The following ADCY2 variants were observed in gnomAD, a reference collection of about 807,000 sequenced individuals.
ADCY2 encodes adenylate cyclase type 2.
ADCY2 carries 31 observed loss-of-function variants against 125.2 expected under a neutral mutation model. The ratio of observed to expected loss-of-function variants is 0.25; its 90% CI spans 0.19 to 0.33. ADCY2 has a LOEUF of 0.33. Among genes scored for constraint, ADCY2 ranks in the 10% least tolerant of loss-of-function variants. The pLI is 1.00. For missense variants in ADCY2, 904 were observed against 1,418.2 expected, an observed-to-expected ratio of 0.64 and a Z score of 5.82; for synonymous variants, 512 against 548.4, an observed-to-expected ratio of 0.93 and a Z score of 0.93.
At chr5:7,419,248 C>A (rs1477221752) in intron 2 of ADCY2, among the ~76,000 whole-genome samples, 1 of 152,090 alleles carries the variant, frequency 6.6e-6, no homozygotes. Flanking sequence ...AGAGATTGGA[C>A]AATTTTCTAG....
At chr5:7,478,117 G>A (rs927606503) in intron 2 of ADCY2, among the ~76,000 whole-genome samples, 1 of 152,126 alleles carries the variant, frequency 6.6e-6, no homozygotes, top group Non-Finnish European at 1.5e-5. Context: ...TATCAATATC[G>A]CAGACTCAGG....
chr5:7,434,488 G>A (rs181622392), intron 2 of ADCY2, among the ~76,000 whole-genome samples: 4 of 152,348 alleles, frequency 2.6e-5, no homozygotes, highest in Admixed American at 2.6e-4. Context: ...CAGCTTTGAA[G>A]AAGATGGGAT....
intron 12 of ADCY2, among the ~76,000 whole-genome samples, chr5:7,721,770 C>G (rs1451748077): frequency 6.6e-6 from 1 of 152,072 alleles, no homozygotes; most frequent in African/African-American, 2.4e-5. Context: ...TGTTTTGGAC[C>G]AGTACCATGC....
intron 4 of ADCY2, among the ~76,000 whole-genome samples, chr5:7,653,436 T>A (rs957432615): frequency 6.6e-6 from 1 of 152,108 alleles, no homozygotes; most frequent in Non-Finnish European, 1.5e-5. Context: ...AAACCCCATC[T>A]CTACTAAAAA....
At chr5:7,784,332 T>A (rs759930343) in intron 18 of ADCY2, 33 bp from the exon 19 acceptor site, 2 of 1,503,988 alleles carry the variant, frequency 1.3e-6, no homozygotes, top group Non-Finnish European at 1.9e-6. Flanking sequence ...TTTTGTTGCA[T>A]TGTTGTCTGT....
chr5:7,722,982 A>AAAAAAAAAAAAAG (rs1278747504), intron 12 of ADCY2, among the ~76,000 whole-genome samples: 1 of 148,668 alleles, frequency 6.7e-6, no homozygotes, highest in Admixed American at 6.7e-5. Flanking sequence ...AAAAAAAAAA[A>AAAAAAAAAAAAAG]AAAAGCATGT....
intron 22 of ADCY2, among the ~76,000 whole-genome samples, chr5:7,815,015 TC>T (rs952541191): frequency 8.5e-5 from 13 of 152,156 alleles, no homozygotes; most frequent in Admixed American, 7.2e-4. Context: ...CACTCTCCTT[TC>T]TTCCCTTGGA....
rs2126529513 is a variant in ADCY2 at position 7,809,413 on chromosome 5, T to G, written c.2883+4721T>G. 1.3e-5 allele frequency among the ~76,000 whole-genome samples: 2 copies of G among 152,372 alleles called. 1 individual carries two copies. Among genetic ancestry groups the G allele is most frequent in the Middle Eastern group, 6.8e-3 (2 of 294 alleles). ...TACCTGATAAATATTCATGCTAATA[T>G]TAGTTACTTTTATAAGAAATGAATG... On this transcript the variant is annotated intron_variant, in intron 22 of 24. Coordinates refer to ENST00000338316, the MANE Select transcript of ADCY2 (RefSeq NM_020546.3).
chr5:7,418,445 A>G (rs1247765337), intron 2 of ADCY2, among the ~76,000 whole-genome samples: 1 of 152,074 alleles, frequency 6.6e-6, no homozygotes, highest in Non-Finnish European at 1.5e-5. Context: ...CAGTGGCTGT[A>G]GCTATTTTTG....
At chr5:7,758,132 A>T (rs1181718921) in intron 16 of ADCY2, among the ~76,000 whole-genome samples, 2 of 152,156 alleles carry the variant, frequency 1.3e-5, no homozygotes, top group Admixed American at 1.3e-4. Context: ...ATTGAACTCC[A>T]CAGGCTCCAT....
Position 7,442,661 on chromosome 5 carries a change from A to G in ADCY2, c.408+27891A>G, listed in dbSNP as rs938940915. 9.2e-5 allele frequency among the ~76,000 whole-genome samples: 14 copies of G among 152,042 alleles called. 1 individual carries two copies. Among genetic ancestry groups the G allele is most frequent in the Admixed American group, 7.2e-4 (11 of 15,262 alleles). On this transcript the variant is annotated intron_variant, in intron 2 of 24. Coordinates refer to ENST00000338316, the MANE Select transcript of ADCY2 (RefSeq NM_020546.3). ...TCACTCACCCTGGTTTGGACTCATTATTTCATTTGTTTCTCTACTTTTCTT... is the reference window on the plus strand; with the variant it reads ...TCACTCACCCTGGTTTGGACTCATTGTTTCATTTGTTTCTCTACTTTTCTT...
intron 16 of ADCY2, among the ~76,000 whole-genome samples, chr5:7,761,671 A>G (rs1262381103): frequency 1.3e-5 from 2 of 152,182 alleles, no homozygotes; most frequent in Non-Finnish European, 2.9e-5. Context: ...ATCTAGTTTG[A>G]CCTTATAAAA....
At position 7,820,067 on chromosome 5, in the gene ADCY2, T is replaced by G. The variant is rs1193788185; in HGVS notation, c.2999-498T>G. Among the ~76,000 whole-genome samples, 29 of 152,196 alleles carry G rather than the reference T, an allele frequency of 1.9e-4. 1 individual carries two copies. The highest frequency in any genetic ancestry group is 1.9e-3 in the Admixed American group (29 of 15,280). ...GCTGGAATAAATTATTTGAGATGCCTAAACCAGAAGTGTGTTTTCCTGAGT... is the reference window on the plus strand; with the variant it reads ...GCTGGAATAAATTATTTGAGATGCCGAAACCAGAAGTGTGTTTTCCTGAGT... On this transcript the variant is annotated intron_variant, in intron 23 of 24. Transcript: ENST00000338316.
At chr5:7,523,837 G>A (rs993599129) in intron 3 of ADCY2, among the ~76,000 whole-genome samples, 11 of 152,234 alleles carry the variant, frequency 7.2e-5, no homozygotes, top group African/African-American at 2.4e-4. Context: ...TATGAAGAAA[G>A]AGGTTGCCCG....
intron 15 of ADCY2, chr5:7,746,275 C>T (rs1222418739): frequency 6.6e-6 from 1 of 152,468 alleles, no homozygotes; most frequent in Non-Finnish European, 1.5e-5. Context: ...ACTTGGTCCT[C>T]CTAAACTTGA....
intron 16 of ADCY2, among the ~76,000 whole-genome samples, chr5:7,763,809 C>T (rs112962976): frequency 0.012 from 1,801 of 152,280 alleles, 42 homozygotes; most frequent in African/African-American, 0.041. Flanking sequence ...GCAAGCAGCC[C>T]TTATTAATTG....
rs540734393 is a variant in ADCY2, at chr5:7,802,132, T to C, written c.2629-86T>C. ...ATTTGGGCGATGTCTGTGTGAATCC[T>C]GGCATAAACAAGCCACTTGCCTGTG... On this transcript the variant is annotated intron_variant, in intron 20 of 24. Transcript: ENST00000338316. This position sits in a 1 kb window ranked among gnomAD's most constrained non-coding sequence, Gnocchi z 4.6. 5.4e-6 allele frequency: 8 copies of C among 1,485,022 alleles called. No individual in the cohort carries two copies. In the African/African-American group the frequency reaches 8.4e-5, roughly 16 times the overall value. 92.0% of individuals were successfully genotyped at this position (1,485,022 alleles called of 1,614,324 possible). A position where few individuals can be genotyped will look rare whatever the true frequency, so the allele number is the denominator to read the frequency against.
intron 10 of ADCY2, among the ~76,000 whole-genome samples, chr5:7,712,377 C>T (rs957736338): frequency 6.6e-5 from 10 of 152,206 alleles, no homozygotes; most frequent in Non-Finnish European, 1.3e-4. Flanking sequence ...TTTGTGATTT[C>T]ACATACTTAA....
intron 11 of ADCY2, among the ~76,000 whole-genome samples, chr5:7,714,477 AT>A (rs1561183537): frequency 6.6e-6 from 1 of 152,246 alleles, no homozygotes; most frequent in African/African-American, 2.4e-5. Flanking sequence ...AGAAACTCTA[AT>A]TTGGTCTCTG....
Sources: allele counts gnomAD v4.1 joint callset (sites outside exome capture counted in the v4.1 genomes callset), GRCh38; gene constraint gnomAD v4.1.1; non-coding constraint Gnocchi (gnomAD v3.1); transcripts MANE v1.5; gene names NCBI Gene and HGNC (gene_info 2026-07-23, HGNC 2026-07-21).